Variants in NELL2 observed in about 807,000 individuals in gnomAD.
NELL2 encodes neural EGFL like 2.
Under a neutral mutation model 109.6 loss-of-function variants are expected in NELL2, and 41 were observed. The ratio of observed to expected loss-of-function variants is 0.37; its 90% CI spans 0.29 to 0.49. The LOEUF is 0.49. NELL2 is among the 20% of genes least tolerant of loss of function. NELL2 has a pLI of 0.98. For synonymous variants in NELL2, 355 were observed against 344.7 expected, an observed-to-expected ratio of 1.03 and a Z score of -0.33; for missense variants, 900 against 1,008.3, an observed-to-expected ratio of 0.89 and a Z score of 1.45.
rs1273100356 is a variant in NELL2, at chr12:44,650,755, C to T, written c.1444+14729G>A. Among the ~76,000 whole-genome samples the T allele has an allele frequency of 2.9e-4, 7 of 23,868 alleles. No homozygotes were observed. In the South Asian group the frequency reaches 5.6e-3, roughly 19 times the overall value. The allele number at this position is 23,868 out of a possible 152,430, so 15.7% of individuals were successfully genotyped here. ...GAAGAGATACCAGAGAGGTCTCTGT[C>T]TTTCTTTCTTTCTTTCTTTCTTTCT... On this transcript the variant is annotated intron_variant, in intron 13 of 19. Transcript: ENST00000429094.
chr12:44,882,231 T>G (rs1007242838), intron 1 of NELL2, among the ~76,000 whole-genome samples: 5 of 151,798 alleles, frequency 3.3e-5, no homozygotes, highest in Admixed American at 6.6e-5. Flanking sequence ...TATACTATTC[T>G]TGAGTACTGT....
At chr12:44,529,836 G>A (rs971397210) in intron 16 of NELL2, among the ~76,000 whole-genome samples, 1 of 152,186 alleles carries the variant, frequency 6.6e-6, no homozygotes, top group African/African-American at 2.4e-5. Context: ...GAGATAACAA[G>A]TATTGAAAAT....
rs575528221 is a variant in NELL2, at chr12:44,539,432, TTA to T, written c.1664-6713_1664-6712del. 3.0e-4 allele frequency among the ~76,000 whole-genome samples: 46 copies of T among 152,280 alleles called. No individual in the cohort carries two copies. In the South Asian group the frequency reaches 3.7e-3, roughly 12 times the overall value. On this transcript the variant is annotated intron_variant, in intron 15 of 19. Coordinates refer to ENST00000429094, the MANE Select transcript of NELL2 (RefSeq NM_001145108.2). ...ATCGACTTTGGGAGAATTGAAATCTTTATATTATTGTACCTTTTAATCAATAC... is the reference window on the plus strand; with the variant it reads ...ATCGACTTTGGGAGAATTGAAATCTTTATTATTGTACCTTTTAATCAATAC...
intron 2 of NELL2, among the ~76,000 whole-genome samples, chr12:44,826,042 A>C (rs1056285108): frequency 2.0e-5 from 3 of 151,534 alleles, no homozygotes; most frequent in Admixed American, 2.0e-4. Flanking sequence ...AACTCCGTCA[A>C]AAAAAAATAA....
chr12:44,827,289 T>C (rs1566483494), intron 2 of NELL2, among the ~76,000 whole-genome samples: 1 of 152,182 alleles, frequency 6.6e-6, no homozygotes. Context: ...CACTTATCCT[T>C]TGTGTTATAA....
chr12:44,845,230 A>C (rs1487345960), intron 2 of NELL2, among the ~76,000 whole-genome samples: 2 of 152,202 alleles, frequency 1.3e-5, no homozygotes, highest in African/African-American at 4.8e-5. Context: ...GACTTTCCCC[A>C]TCACAAATGA....
At chr12:44,560,590 T>G (rs917809121) in intron 15 of NELL2, among the ~76,000 whole-genome samples, 1 of 152,074 alleles carries the variant, frequency 6.6e-6, no homozygotes, top group African/African-American at 2.4e-5. Flanking sequence ...AAGAAATGGA[T>G]AAATTCCTGC....
chr12:44,593,605 T>C (rs935877934), intron 15 of NELL2, among the ~76,000 whole-genome samples: 1 of 152,190 alleles, frequency 6.6e-6, no homozygotes, highest in Non-Finnish European at 1.5e-5. Context: ...ATCCTTTGGG[T>C]ATATACCCAG....
At chr12:44,892,081 G>C (rs1022321190) in intron 1 of NELL2, among the ~76,000 whole-genome samples, 1 of 152,206 alleles carries the variant, frequency 6.6e-6, no homozygotes, top group Non-Finnish European at 1.5e-5. Context: ...TGGTGAAGTT[G>C]AGAGGCTGTC....
intron 2 of NELL2, among the ~76,000 whole-genome samples, chr12:44,847,600 A>G (rs1010544773): frequency 6.6e-6 from 1 of 151,826 alleles, no homozygotes; most frequent in Admixed American, 6.6e-5. Flanking sequence ...TCCTTCCACA[A>G]TGACACCAAG....
chr12:44,674,636 C>T (rs924543234), intron 12 of NELL2, among the ~76,000 whole-genome samples: 1 of 152,072 alleles, frequency 6.6e-6, no homozygotes, highest in African/African-American at 2.4e-5. Flanking sequence ...ACAGCACTGT[C>T]TTTGTAGTGA....
chr12:44,847,803 AGG>A (rs1352692739), intron 2 of NELL2, among the ~76,000 whole-genome samples: 1 of 151,912 alleles, frequency 6.6e-6, no homozygotes, highest in Admixed American at 6.6e-5. Flanking sequence ...AGACTGCAGC[AGG>A]TGGATCACTT....
At chr12:44,688,155 A>G (rs903966626) in intron 12 of NELL2, among the ~76,000 whole-genome samples, 1 of 152,230 alleles carries the variant, frequency 6.6e-6, no homozygotes, top group Non-Finnish European at 1.5e-5. Flanking sequence ...ATATTGAAGC[A>G]CTGGTTAGAA....
chr12:44,639,086 CT>C (rs1204769767), intron 13 of NELL2, among the ~76,000 whole-genome samples: 4 of 152,050 alleles, frequency 2.6e-5, no homozygotes, highest in African/African-American at 9.7e-5. Context: ...TTTAAACCAC[CT>C]ATTAATTCAG....
At chr12:44,594,586 G>A (rs1447041952) in intron 15 of NELL2, among the ~76,000 whole-genome samples, 1 of 152,066 alleles carries the variant, frequency 6.6e-6, no homozygotes, top group Admixed American at 6.5e-5. Flanking sequence ...GAAGGGTGAA[G>A]TCTAAATTAA....
chr12:44,848,761 T>A (rs1227592825), intron 2 of NELL2, among the ~76,000 whole-genome samples: 1 of 152,184 alleles, frequency 6.6e-6, no homozygotes, highest in Non-Finnish European at 1.5e-5. Context: ...AAAGAGCTCA[T>A]GCTTTAAGCA....
intron 7 of NELL2, among the ~76,000 whole-genome samples, chr12:44,776,443 C>T (rs1028816450): frequency 1.3e-5 from 2 of 152,018 alleles, no homozygotes; most frequent in African/African-American, 4.8e-5. Flanking sequence ...AAGCACTTTC[C>T]ATTTAAAAGA....
chr12:44,519,000 T>C (rs1051334106), intron 19 of NELL2, among the ~76,000 whole-genome samples: 2 of 152,190 alleles, frequency 1.3e-5, no homozygotes, highest in African/African-American at 4.8e-5. Flanking sequence ...TAGATAAAAA[T>C]GGCATCTCAA....
At chr12:44,712,226 A>G (rs951386632) in intron 10 of NELL2, among the ~76,000 whole-genome samples, 3 of 152,092 alleles carry the variant, frequency 2.0e-5, no homozygotes, top group Non-Finnish European at 4.4e-5. Flanking sequence ...CTACTGCTCA[A>G]TAGCTTAGAT....
Sources: gnomAD v4.1 joint callset for allele counts (sites outside exome capture counted in the v4.1 genomes callset) on GRCh38, gnomAD v4.1.1 for gene constraint, MANE v1.5 for transcripts, NCBI Gene and HGNC (gene_info 2026-07-23, HGNC 2026-07-21) for gene names.